HECW1: variants seen among roughly 807,000 people sequenced by gnomAD.
HECW1 encodes the protein HECT, C2 and WW domain containing E3 ubiquitin protein ligase 1, also known as E3 ubiquitin-protein ligase HECW1.
A neutral mutation model predicts 182.3 loss-of-function variants in HECW1; 61 were observed. The ratio of observed to expected loss-of-function variants is 0.33; its 90% CI spans 0.27 to 0.41. The LOEUF (loss-of-function observed/expected upper bound fraction) is 0.41. Ranked by LOEUF, HECW1 falls within the 10% of genes least tolerant of loss-of-function variation. HECW1 has a pLI of 1.00. For missense variants in HECW1, 1,739 were observed against 2,108.9 expected, an observed-to-expected ratio of 0.82 and a Z score of 3.44; for synonymous variants, 859 against 832.6, an observed-to-expected ratio of 1.03 and a Z score of -0.55.
intron 24 of HECW1, among the ~76,000 whole-genome samples, chr7:43,524,571 A>C (rs2080683563): frequency 6.6e-6 from 1 of 152,272 alleles, no homozygotes; most frequent in Non-Finnish European, 1.5e-5. Context: ...TCTTCAAAGA[A>C]CCTATTAACA....
At chr7:43,125,666 G>A (rs1786139946) in intron 2 of HECW1, among the ~76,000 whole-genome samples, 1 of 148,498 alleles carries the variant, frequency 6.7e-6, no homozygotes, top group African/African-American at 2.5e-5. Context: ...GCTAAGGCAG[G>A]AGAATTGCTT....
chr7:43,194,036 C>T (rs74900446), intron 2 of HECW1, among the ~76,000 whole-genome samples: 12,953 of 152,228 alleles, frequency 0.085, 790 homozygotes, highest in East Asian at 0.27. Flanking sequence ...TGGAATTTGG[C>T]ATCTTATTGT....
chr7:43,297,721 A>T (rs78363119), intron 3 of HECW1, among the ~76,000 whole-genome samples: 10,150 of 152,250 alleles, frequency 0.067, 550 homozygotes, highest in Non-Finnish European at 0.097. Flanking sequence ...TAAGATGGCA[A>T]TTTAAACATA....
intron 3 of HECW1, among the ~76,000 whole-genome samples, chr7:43,290,238 TG>T (rs1346431848): frequency 6.6e-6 from 1 of 152,220 alleles, no homozygotes; most frequent in East Asian, 1.9e-4. Context: ...GACATATATT[TG>T]GGGGTAAAAT....
chr7:43,212,090 T>G (rs1185112913), intron 2 of HECW1, among the ~76,000 whole-genome samples: 1 of 152,244 alleles, frequency 6.6e-6, no homozygotes, highest in Non-Finnish European at 1.5e-5. Context: ...ACACCTGTCC[T>G]CAGCACTCAT....
At chr7:43,402,148 T>A (rs115094807) in intron 7 of HECW1, among the ~76,000 whole-genome samples, 17 of 152,054 alleles carry the variant, frequency 1.1e-4, no homozygotes, top group Admixed American at 4.6e-4. Flanking sequence ...ATCCTTCAGG[T>A]CGGTGTGTGA....
intron 3 of HECW1, among the ~76,000 whole-genome samples, chr7:43,280,652 C>T (rs1368655821): frequency 1.3e-5 from 2 of 152,200 alleles, no homozygotes; most frequent in African/African-American, 2.4e-5. Flanking sequence ...AATCCCAGTA[C>T]AATGAGAAAG....
At chr7:43,253,934 G>A (rs1228344237) in intron 3 of HECW1, among the ~76,000 whole-genome samples, 2 of 152,034 alleles carry the variant, frequency 1.3e-5, no homozygotes, top group East Asian at 3.9e-4. Flanking sequence ...CAGATATGCA[G>A]AGATATCACA....
intron 2 of HECW1, among the ~76,000 whole-genome samples, chr7:43,202,433 A>C (rs954950172): frequency 1.3e-5 from 2 of 152,024 alleles, no homozygotes; most frequent in Non-Finnish European, 2.9e-5. Context: ...TCATATGCAT[A>C]CATAATTATT....
chr7:43,226,931 G>T (rs955586690), intron 2 of HECW1, among the ~76,000 whole-genome samples: 7 of 152,142 alleles, frequency 4.6e-5, no homozygotes, highest in Non-Finnish European at 8.8e-5. Context: ...CAAAATCTAC[G>T]CACTACATTT....
intron 3 of HECW1, among the ~76,000 whole-genome samples, chr7:43,255,174 T>C (rs1800425011): frequency 6.6e-6 from 1 of 152,224 alleles, no homozygotes; most frequent in Non-Finnish European, 1.5e-5. Context: ...AACCCAACTA[T>C]GCTAATACCT....
chr7:43,424,467 T>C (rs926745723), intron 8 of HECW1, among the ~76,000 whole-genome samples: 1 of 151,812 alleles, frequency 6.6e-6, no homozygotes, highest in African/African-American at 2.4e-5. Flanking sequence ...ACACACAAAA[T>C]TTAAAATTAG....
chr7:43,284,145 C>G (rs1367731760), intron 3 of HECW1, among the ~76,000 whole-genome samples: 1 of 152,288 alleles, frequency 6.6e-6, no homozygotes, highest in South Asian at 2.1e-4. Flanking sequence ...TCTCTGCAGG[C>G]TGCCTAGTGA....
chr7:43,135,921 A>T (rs1299539953), intron 2 of HECW1, among the ~76,000 whole-genome samples: 1 of 151,040 alleles, frequency 6.6e-6, no homozygotes, highest in Admixed American at 6.6e-5. Context: ...CTGATTTCAC[A>T]AGGCCTTTTA....
chr7:43,336,191 T>C (rs1333308430), intron 5 of HECW1, among the ~76,000 whole-genome samples: 1 of 137,500 alleles, frequency 7.3e-6, no homozygotes, highest in Non-Finnish European at 1.6e-5. Flanking sequence ...TCTCTCTCTC[T>C]CTCTCTCTTT....
chr7:43,407,230 TTC>T (rs2075641175), intron 7 of HECW1, among the ~76,000 whole-genome samples: 1 of 152,156 alleles, frequency 6.6e-6, no homozygotes, highest in Admixed American at 6.5e-5. Context: ...ATCCTCTCCT[TTC>T]TCTTTATTTC....
At chr7:43,226,908 A>G (rs73690272) in intron 2 of HECW1, among the ~76,000 whole-genome samples, 4,440 of 152,340 alleles carry the variant, frequency 0.029, 202 homozygotes, top group African/African-American at 0.089. Context: ...GATGGGGGCC[A>G]TCTCCAGCCG....
At chr7:43,272,686 T>G (rs1305263533) in intron 3 of HECW1, among the ~76,000 whole-genome samples, 1 of 152,170 alleles carries the variant, frequency 6.6e-6, no homozygotes, top group Non-Finnish European at 1.5e-5. Flanking sequence ...ATGGCATGGC[T>G]GTGGAGAAAA....
intron 4 of HECW1, among the ~76,000 whole-genome samples, chr7:43,312,500 T>A (rs1808661245): frequency 6.6e-6 from 1 of 152,276 alleles, no homozygotes; most frequent in Non-Finnish European, 1.5e-5. Context: ...TTGCCAGCTC[T>A]TCCAACATTC....
Sources: gnomAD v4.1 joint callset for allele counts (sites outside exome capture counted in the v4.1 genomes callset) on GRCh38, gnomAD v4.1.1 for gene constraint, MANE v1.5 for transcripts, NCBI Gene and HGNC (gene_info 2026-07-23, HGNC 2026-07-21) for gene names.